Variants in RBMS3 observed in about 807,000 individuals in gnomAD.
The protein encoded by RBMS3 is RNA-binding motif, single-stranded-interacting protein 3.
Under a neutral mutation model 66.8 loss-of-function variants are expected in RBMS3, and 27 were observed. The ratio of observed to expected loss-of-function variants is 0.40; its 90% CI spans 0.30 to 0.56. The LOEUF (loss-of-function observed/expected upper bound fraction) is 0.56. RBMS3 is among the 20% of genes least tolerant of loss of function. RBMS3 has a pLI of 0.40. For synonymous variants in RBMS3, 188 were observed against 183.0 expected, an observed-to-expected ratio of 1.03 and a Z score of -0.22; for missense variants, 513 against 549.5, an observed-to-expected ratio of 0.93 and a Z score of 0.66.
intron 7 of RBMS3, among the ~76,000 whole-genome samples, chr3:29,877,517 A>G (rs2059636507): frequency 6.6e-6 from 1 of 152,234 alleles, no homozygotes; most frequent in African/African-American, 2.4e-5. Context: ...AGCCTTTTGT[A>G]GAACCATTAG....
intron 6 of RBMS3, among the ~76,000 whole-genome samples, chr3:29,780,610 T>C (rs906846783): frequency 6.6e-6 from 1 of 152,158 alleles, no homozygotes; most frequent in Non-Finnish European, 1.5e-5. Flanking sequence ...CAAATAACTA[T>C]CTAAATTGAA....
intron 14 of RBMS3, among the ~76,000 whole-genome samples, chr3:29,993,638 A>C (rs1699025496): frequency 6.6e-6 from 1 of 152,194 alleles, no homozygotes; most frequent in South Asian, 2.1e-4. Context: ...AAGAAGAAGG[A>C]ACTCCTGTTA....
chr3:29,950,572 C>G (rs1289810048), intron 12 of RBMS3, among the ~76,000 whole-genome samples: 1 of 151,834 alleles, frequency 6.6e-6, no homozygotes, highest in Non-Finnish European at 1.5e-5. Flanking sequence ...TTGCCAGAGG[C>G]ATGCGAGAGA....
At chr3:29,638,093 G>A (rs2049540819) in intron 4 of RBMS3, among the ~76,000 whole-genome samples, 1 of 151,856 alleles carries the variant, frequency 6.6e-6, no homozygotes, top group Non-Finnish European at 1.5e-5. Context: ...GTTTGAGTGT[G>A]TTAAGCAATT....
chr3:29,890,314 C>T (rs1421757468), intron 8 of RBMS3, among the ~76,000 whole-genome samples: 1 of 151,584 alleles, frequency 6.6e-6, no homozygotes, highest in Non-Finnish European at 1.5e-5. Context: ...ACAACTTACT[C>T]AACATACCAA....
intron 1 of RBMS3, among the ~76,000 whole-genome samples, chr3:29,283,219 G>C (rs1272599014): frequency 1.3e-5 from 2 of 152,100 alleles, no homozygotes; most frequent in African/African-American, 4.8e-5. Flanking sequence ...AAAAATATCA[G>C]ACATTCCATC....
chr3:29,445,340 C>A (rs189095163), intron 2 of RBMS3, among the ~76,000 whole-genome samples: 335 of 150,174 alleles, frequency 2.2e-3, no homozygotes, highest in Non-Finnish European at 1.6e-3. Flanking sequence ...AGGGAAGCCT[C>A]AGGATAACTT....
At chr3:29,390,982 C>T in intron 1 of RBMS3, 1 of 287,926 alleles carries the variant, frequency 3.5e-6, no homozygotes, top group Admixed American at 3.1e-5. Context: ...AGACAAAAGC[C>T]ACGCCCATCT....
intron 4 of RBMS3, among the ~76,000 whole-genome samples, chr3:29,724,951 C>A (rs569971914): frequency 1.2e-4 from 19 of 152,214 alleles, no homozygotes; most frequent in African/African-American, 4.3e-4. Flanking sequence ...CAGAATTTAG[C>A]TCAAGGGGTG....
intron 8 of RBMS3, among the ~76,000 whole-genome samples, chr3:29,890,871 A>T (rs529975824): frequency 2.7e-3 from 404 of 150,590 alleles, no homozygotes; most frequent in Non-Finnish European, 4.9e-3. Flanking sequence ...GTTTTTATTT[A>T]TTTTTTTTTC....
chr3:29,349,610 T>G (rs1008460279), intron 1 of RBMS3, among the ~76,000 whole-genome samples: 7 of 152,196 alleles, frequency 4.6e-5, no homozygotes, highest in African/African-American at 1.7e-4. Context: ...TTTCATTGGT[T>G]TGCACTAATT....
At chr3:29,508,940 C>G (rs1287494786) in intron 3 of RBMS3, among the ~76,000 whole-genome samples, 2 of 151,542 alleles carry the variant, frequency 1.3e-5, no homozygotes, top group African/African-American at 2.4e-5. Context: ...TTGCATTTCT[C>G]TAATGACCAG....
chr3:29,650,864 G>A (rs142884521), intron 4 of RBMS3, among the ~76,000 whole-genome samples: 1 of 152,232 alleles, frequency 6.6e-6, no homozygotes, highest in African/African-American at 2.4e-5. Flanking sequence ...AAATCTAAGG[G>A]TCTTAACCAC....
chr3:29,753,170 A>T (rs1327885337), intron 5 of RBMS3, among the ~76,000 whole-genome samples: 1 of 152,210 alleles, frequency 6.6e-6, no homozygotes, highest in East Asian at 1.9e-4. Context: ...TGAGCCCTTT[A>T]ATGAATAGCA....
intron 1 of RBMS3, among the ~76,000 whole-genome samples, chr3:29,424,673 T>A (rs1412831095): frequency 1.3e-5 from 2 of 152,164 alleles, no homozygotes; most frequent in Non-Finnish European, 2.9e-5. Context: ...ATTTGGTGTA[T>A]CAAAAAAACC....
intron 6 of RBMS3, among the ~76,000 whole-genome samples, chr3:29,791,086 T>C (rs1032651925): frequency 2.0e-5 from 3 of 152,198 alleles, no homozygotes; most frequent in Non-Finnish European, 4.4e-5. Flanking sequence ...GTTTAAGAAG[T>C]CTTGTAACAC....
At chr3:30,001,961 G>A (rs914799679) in intron 14 of RBMS3, among the ~76,000 whole-genome samples, 2 of 152,102 alleles carry the variant, frequency 1.3e-5, no homozygotes, top group South Asian at 2.1e-4. Flanking sequence ...CTAGGACAGA[G>A]GAGATCGGCA....
intron 3 of RBMS3, among the ~76,000 whole-genome samples, chr3:29,507,497 GAA>G (rs11309816): frequency 6.6e-6 from 1 of 150,530 alleles, no homozygotes; most frequent in East Asian, 2.0e-4. Flanking sequence ...TATTAATTGC[GAA>G]AAAAAAAGAC....
rs531796414 is a variant in RBMS3 at position 29,409,449 on chromosome 3, A to G, written c.76-25294A>G. 2.6e-5 allele frequency among the ~76,000 whole-genome samples: 4 copies of G among 152,356 alleles called. No homozygotes were observed. In the South Asian group the frequency reaches 8.3e-4, roughly 32 times the overall value. ...TCAGCCCTAACACAACACAGTCTTCATTGCAGTAAGTACAAATTATTGTCC... is the reference window on the plus strand; with the variant it reads ...TCAGCCCTAACACAACACAGTCTTCGTTGCAGTAAGTACAAATTATTGTCC... On this transcript the variant is annotated intron_variant, in intron 1 of 14. Transcript: ENST00000383767.
Sources: gnomAD v4.1 joint callset for allele counts (sites outside exome capture counted in the v4.1 genomes callset) on GRCh38, gnomAD v4.1.1 for gene constraint, MANE v1.5 for transcripts, NCBI Gene and HGNC (gene_info 2026-07-23, HGNC 2026-07-21) for gene names.